SLC2A14: variants seen among roughly 807,000 people sequenced by gnomAD.
SLC2A14 encodes solute carrier family 2, facilitated glucose transporter member 14.
SLC2A14 carries 13 observed loss-of-function variants against 43.0 expected under a neutral mutation model. The ratio of observed to expected loss-of-function variants is 0.30; its 90% CI spans 0.20 to 0.48. SLC2A14 has a LOEUF of 0.48. Among genes scored for constraint, SLC2A14 ranks in the 20% least tolerant of loss-of-function variants. SLC2A14 has a pLI of 0.99. For missense variants in SLC2A14, 428 were observed against 620.4 expected, an observed-to-expected ratio of 0.69 and a Z score of 3.29; for synonymous variants, 190 against 233.8, an observed-to-expected ratio of 0.81 and a Z score of 1.71.
At chr12:7,837,373 G>A (rs184532663) in intron 2 of SLC2A14, among the ~76,000 whole-genome samples, 5 of 152,100 alleles carry the variant, frequency 3.3e-5, no homozygotes, top group African/African-American at 9.6e-5. Context: ...TGGGCCAGGC[G>A]CAGTGGCTCA....
chr12:7,883,046 T>TAA (rs1945616221), intron 1 of SLC2A14, among the ~76,000 whole-genome samples: 2 of 151,834 alleles, frequency 1.3e-5, no homozygotes, highest in East Asian at 2.0e-4. Context: ...CTGTCTCTAC[T>TAA]AAAAATACAA....
In SLC2A14 at chr12:7,829,775, C is replaced by A. The variant is rs549276594; in HGVS notation, c.504G>T (p.Leu168=). ...LNQLGIVIGI[L]VAQIFGLELI... ...AGAAGTTCTAGAGTACCTGGGCCAC[C>A]AGAATTCCAATAACTATGCCCAGCT... Residue 168 remains leucine (L), a synonymous_variant, in exon 5 of 11, where the codon CTG becomes CTT. Coordinates refer to ENST00000431042, the MANE Select transcript of SLC2A14 (RefSeq NM_001286234.2). The A allele has an allele frequency of 2.5e-6, 4 of 1,614,102 alleles. No homozygotes were observed. In the East Asian group the frequency reaches 6.7e-5, roughly 27 times the overall value.
chr12:7,846,971 C>T (rs1251386523), intron 2 of SLC2A14, among the ~76,000 whole-genome samples: 4 of 149,830 alleles, frequency 2.7e-5, no homozygotes, highest in Non-Finnish European at 5.9e-5. Flanking sequence ...ATACCTGTGG[C>T]GGCCGGGCGC....
chr12:7,876,573 T>G (rs1945467704), upstream of SLC2A14, among the ~76,000 whole-genome samples: 1 of 152,074 alleles, frequency 6.6e-6, no homozygotes, highest in Non-Finnish European at 1.5e-5. Context: ...TACCCTATGA[T>G]CCAGCAATTC....
chr12:7,870,800 G>C, intron 1 of SLC2A14: 1 of 1,036,536 alleles, frequency 9.6e-7, no homozygotes, highest in Non-Finnish European at 1.2e-6. Flanking sequence ...AAAGTAGTAT[G>C]GTCAGCCCAG....
intron 2 of SLC2A14, among the ~76,000 whole-genome samples, chr12:7,862,544 C>T (rs1177703954): frequency 1.3e-5 from 2 of 152,114 alleles, no homozygotes; most frequent in African/African-American, 4.8e-5. Context: ...CCAGTCCCAT[C>T]GACCACCCAA....
At position 7,821,283 on chromosome 12, in the gene SLC2A14, G is replaced by C. The variant is rs1433800479; in HGVS notation, c.907C>G (p.Gln303Glu). 1.2e-6 allele frequency: 2 copies of C among 1,613,740 alleles called. No homozygotes were observed. The highest frequency in any genetic ancestry group is 2.7e-5 in the African/African-American group (2 of 74,900). Reference sequence around the variant, plus strand: ...CTGATGGTGGCATAGATGGGCTGTTGAACACCTGCATCCTTGAAGATTCCT... The same window carrying C: ...CTGATGGTGGCATAGATGGGCTGTTCAACACCTGCATCCTTGAAGATTCCT... ...STGIFKDAGV[Q>E]QPIYATISAG... Residue 303 changes from glutamine (Q) to glutamate (E), a missense_variant, in exon 8 of 11, where the codon CAA becomes GAA. Gln to Glu is a conservative substitution (Grantham distance 29). Around this residue, in one of 4 missense-constraint regions of SLC2A14, gnomAD observed 185 missense variants for 275.4 expected, o/e 0.67. Coordinates refer to ENST00000431042, the MANE Select transcript of SLC2A14 (RefSeq NM_001286234.2).
intron 7 of SLC2A14, among the ~76,000 whole-genome samples, chr12:7,822,441 G>A (rs1863995521): frequency 6.6e-6 from 1 of 151,764 alleles, no homozygotes; most frequent in South Asian, 2.1e-4. Flanking sequence ...GCCGAGGCGG[G>A]CAGATCACGA....
At chr12:7,831,549 T>G in intron 4 of SLC2A14, 55 bp downstream of exon 4, 1 of 1,607,358 alleles carries the variant, frequency 6.2e-7, no homozygotes, top group Non-Finnish European at 8.5e-7. Flanking sequence ...CTCTCCACAC[T>G]TGTCCCCAAT....
intron 7 of SLC2A14, among the ~76,000 whole-genome samples, chr12:7,826,861 T>TTTTTTCTTTCTTTCTTTCTTTC (rs1555121668): frequency 6.6e-5 from 4 of 60,266 alleles, no homozygotes; most frequent in Non-Finnish European, 1.3e-4. Context: ...TTCCTTTCTT[T>TTTTTTCTTTCTTTCTTTCTTTC]TTTCTTTCTT....
Position 7,817,742 on chromosome 12 carries a change from ATATATAT to A in SLC2A14, c.1275+82_1275+88del, listed in dbSNP as rs763886838. 409 of 1,125,906 alleles carry A rather than the reference ATATATAT, an allele frequency of 3.6e-4. 14 individuals carry two copies. The highest frequency in any genetic ancestry group is 3.4e-3 in the East Asian group (127 of 37,046). The allele number at this position is 1,125,906 out of a possible 1,614,324, so 69.7% of individuals were successfully genotyped here. A position where few individuals can be genotyped will look rare whatever the true frequency, so the allele number is the denominator to read the frequency against. On this transcript the variant is annotated intron_variant, in intron 10 of 10. Coordinates refer to ENST00000431042, the MANE Select transcript of SLC2A14 (RefSeq NM_001286234.2). Reference sequence around the variant, plus strand: ...CAGGGCGAGACTCAGTCTCAAAAATATATATATATATAGATAGATAGATAGATAGATA... The same window carrying A: ...CAGGGCGAGACTCAGTCTCAAAAATAATATAGATAGATAGATAGATAGATA...
chr12:7,872,965 A>G, upstream of SLC2A14: 4 of 985,458 alleles, frequency 4.1e-6, no homozygotes, highest in Non-Finnish European at 4.8e-6. Flanking sequence ...TAATGTGGTT[A>G]CAAAACGTGA....
chr12:7,864,368 C>T (rs1944793252), intron 2 of SLC2A14, among the ~76,000 whole-genome samples: 1 of 151,944 alleles, frequency 6.6e-6, no homozygotes, highest in South Asian at 2.1e-4. Context: ...GAGATGGAGT[C>T]TCGCTCTGTC....
chr12:7,871,315 G>C, intron 1 of SLC2A14: 1 of 1,057,690 alleles, frequency 9.5e-7, no homozygotes, highest in South Asian at 2.6e-5. Flanking sequence ...AAAAAGACAA[G>C]TTCAACTAGG....
Position 7,837,143 on chromosome 12 carries a change from G to A in SLC2A14, c.19-4329C>T, listed in dbSNP as rs749914412. On this transcript the variant is annotated intron_variant, in intron 2 of 10. Coordinates refer to ENST00000431042, the MANE Select transcript of SLC2A14 (RefSeq NM_001286234.2). ...AATCACGCCACTGCACTCCACCCTG[G>A]GTGACAGAGTGAGACTCCATCTCAA... 3.2e-4 allele frequency among the ~76,000 whole-genome samples: 48 copies of A among 151,564 alleles called. 2 individuals carry two copies. The East Asian group carries it at 9.3e-3, about 29-fold the overall frequency.
At chr12:7,879,316 A>AAAAACAAAAC (rs148751409) in intron 1 of SLC2A14, among the ~76,000 whole-genome samples, 2 of 109,982 alleles carry the variant, frequency 1.8e-5, no homozygotes, top group Admixed American at 8.3e-5. Flanking sequence ...TCTGCAAAAA[A>AAAAACAAAAC]AAACAAACAA....
In SLC2A14 at chr12:7,814,210, GTAGCAGCATTCAGAA is replaced by G; in HGVS notation, c.*91_*105del. On this transcript the variant is annotated 3_prime_UTR_variant, in exon 11 of 11. Coordinates refer to ENST00000431042, the MANE Select transcript of SLC2A14 (RefSeq NM_001286234.2). ...GTGCGTGGGATGAGAAAGAAATCAA[GTAGCAGCATTCAGAA>G]GCAGTCCTGGGTTCATCCTGATAAA... 1.1e-5 allele frequency: 16 copies of G among 1,488,046 alleles called. 1 individual carries two copies. Among genetic ancestry groups the G allele is most frequent in the Non-Finnish European group, 1.3e-5 (14 of 1,102,952 alleles). The allele number at this position is 1,488,046 out of a possible 1,614,324, so 92.2% of individuals were successfully genotyped here.
chr12:7,870,789 T>A, intron 1 of SLC2A14: 1 of 928,248 alleles, frequency 1.1e-6, no homozygotes, highest in Non-Finnish European at 1.4e-6. Flanking sequence ...TCAAAAAAAG[T>A]AAAGTAGTAT....
At chr12:7,855,479 A>C (rs1317932409) in intron 2 of SLC2A14, among the ~76,000 whole-genome samples, 1 of 151,864 alleles carries the variant, frequency 6.6e-6, no homozygotes, top group African/African-American at 2.4e-5. Flanking sequence ...TTGCTCCCCA[A>C]ATGGCTGTAT....
Sources: gnomAD v4.1 joint callset for allele counts (sites outside exome capture counted in the v4.1 genomes callset) on GRCh38, gnomAD v4.1.1 for gene constraint, gnomAD v4.1.1 regional missense constraint, MANE v1.5 for transcripts, NCBI Gene and HGNC (gene_info 2026-07-23, HGNC 2026-07-21) for gene names.